The following FAM135A variants were observed in gnomAD, a reference collection of about 807,000 sequenced individuals.
FAM135A encodes the protein family with sequence similarity 135 member A, also known as protein FAM135A.
In FAM135A, 79 loss-of-function variants were observed where a neutral mutation model predicts 146.8. That is an observed-to-expected ratio of 0.54 (90% confidence interval 0.45 to 0.65). The LOEUF (loss-of-function observed/expected upper bound fraction) is 0.65, where lower values mean the gene tolerates loss of function less well. Among genes scored for constraint, FAM135A ranks in the 30% least tolerant of loss-of-function variants. The pLI is 0.00. For synonymous variants in FAM135A, 562 were observed against 603.6 expected (o/e 0.93, Z 1.01); for missense variants, 1,623 against 1,758.2 (o/e 0.92, Z 1.38).
chr6:70,556,682 A>G (rs998157100), intron 20 of FAM135A, 68 bp from the exon 21 acceptor site: 1 of 1,041,494 alleles, frequency 9.6e-7, no homozygotes, highest in African/African-American at 2.0e-5. Flanking sequence ...GTCACTTAAT[A>G]TGATACTAAT....
At chr6:70,435,062 C>CGTGT (rs60366617) in intron 4 of FAM135A, among the ~76,000 whole-genome samples, 18 of 126,994 alleles carry the variant, frequency 1.4e-4, no homozygotes, top group Admixed American at 9.4e-4. Flanking sequence ...TATATATATA[C>CGTGT]GTGTGTGTGT....
At chr6:70,495,122 AG>A (rs1470537775) in intron 11 of FAM135A, among the ~76,000 whole-genome samples, 1 of 152,208 alleles carries the variant, frequency 6.6e-6, no homozygotes, top group Non-Finnish European at 1.5e-5. Context: ...AAAACACAGC[AG>A]GAAATTCATC....
chr6:70,464,541 G>A (rs1196352276), intron 5 of FAM135A, among the ~76,000 whole-genome samples: 2 of 151,880 alleles, frequency 1.3e-5, no homozygotes, highest in Admixed American at 6.6e-5. Context: ...TAGCATACAC[G>A]TTTAGGTCTT....
intron 20 of FAM135A, among the ~76,000 whole-genome samples, chr6:70,552,959 T>G (rs1800123232): frequency 6.6e-6 from 1 of 152,190 alleles, no homozygotes; most frequent in South Asian, 2.1e-4. Flanking sequence ...CTAACATATT[T>G]TTAATTTTTT....
At chr6:70,414,796 A>G (rs980855334) in intron 1 of FAM135A, among the ~76,000 whole-genome samples, 1 of 152,216 alleles carries the variant, frequency 6.6e-6, no homozygotes, top group African/African-American at 2.4e-5. Context: ...TTTACCTGGC[A>G]TGCCTGGGAA....
chr6:70,423,897 C>T (rs1043342311), intron 2 of FAM135A, among the ~76,000 whole-genome samples: 1 of 152,182 alleles, frequency 6.6e-6, no homozygotes, highest in African/African-American at 2.4e-5. Context: ...GTCCAGTGAC[C>T]TATAAACAAA....
At chr6:70,477,501 A>T (rs1267994392) in intron 8 of FAM135A, among the ~76,000 whole-genome samples, 169 bp downstream of exon 8, 1 of 152,132 alleles carries the variant, frequency 6.6e-6, no homozygotes, top group Non-Finnish European at 1.5e-5. Flanking sequence ...GCCTCAGGAA[A>T]CTTATAATCA....
At chr6:70,522,984 T>C (rs1264716158) in intron 13 of FAM135A, among the ~76,000 whole-genome samples, 1 of 152,188 alleles carries the variant, frequency 6.6e-6, no homozygotes, top group Non-Finnish European at 1.5e-5. Flanking sequence ...TGATTTACAA[T>C]TAAAATATCC....
chr6:70,481,076 GTTT>G (rs750813158), intron 9 of FAM135A, 49 bp downstream of exon 9: 2 of 1,457,416 alleles, frequency 1.4e-6, no homozygotes, highest in South Asian at 2.9e-5. Context: ...TAAAAGAAGT[GTTT>G]TTAACAATTT....
chr6:70,433,133 G>T (rs1772088314), intron 4 of FAM135A, among the ~76,000 whole-genome samples: 1 of 151,166 alleles, frequency 6.6e-6, no homozygotes, highest in Non-Finnish European at 1.5e-5. Flanking sequence ...GGAGTGCGGT[G>T]GCTTGATCTC....
chr6:70,478,206 A>C (rs1782989871), intron 8 of FAM135A, among the ~76,000 whole-genome samples: 1 of 152,148 alleles, frequency 6.6e-6, no homozygotes, highest in Admixed American at 6.6e-5. Context: ...GATCATAATA[A>C]ATGCATTGAG....
intron 11 of FAM135A, among the ~76,000 whole-genome samples, chr6:70,499,762 G>A (rs1788078305): frequency 2.0e-5 from 3 of 152,092 alleles, no homozygotes. Flanking sequence ...ATGAAATTCT[G>A]GGTTGAAAAT....
chr6:70,422,516 G>A (rs1445683564), intron 2 of FAM135A, among the ~76,000 whole-genome samples: 1 of 151,990 alleles, frequency 6.6e-6, no homozygotes, highest in Non-Finnish European at 1.5e-5. Flanking sequence ...TCTATTTAGG[G>A]GATAATCAAT....
At chr6:70,439,021 A>G (rs1484101826) in intron 4 of FAM135A, among the ~76,000 whole-genome samples, 1 of 152,138 alleles carries the variant, frequency 6.6e-6, no homozygotes, top group African/African-American at 2.4e-5. Context: ...ACAAACAAAC[A>G]GCTAGCTGGA....
At chr6:70,452,392 G>A in intron 4 of FAM135A, 100 bp from the exon 5 acceptor site, 2 of 841,322 alleles carry the variant, frequency 2.4e-6, no homozygotes, top group South Asian at 1.7e-5. Flanking sequence ...ATATAATTAG[G>A]CCAACTTTAT....
At chr6:70,417,819 C>A (rs1767891131) in intron 2 of FAM135A, among the ~76,000 whole-genome samples, 7 of 152,140 alleles carry the variant, frequency 4.6e-5, no homozygotes, top group Admixed American at 4.6e-4. Context: ...ATACCCTTTA[C>A]CATCTCTTTT....
chr6:70,463,096 G>T (rs1039509665), intron 5 of FAM135A, among the ~76,000 whole-genome samples: 2 of 152,080 alleles, frequency 1.3e-5, no homozygotes, highest in African/African-American at 2.4e-5. Flanking sequence ...CATTCTTGTG[G>T]ATTCAATGGA....
intron 11 of FAM135A, among the ~76,000 whole-genome samples, chr6:70,499,108 C>T (rs1478337331): frequency 2.0e-5 from 3 of 152,150 alleles, no homozygotes; most frequent in Non-Finnish European, 4.4e-5. Context: ...GTGTGGGAGT[C>T]TAAGTCTCTT....
At chr6:70,520,400 A>G (rs1793300067) in intron 12 of FAM135A, among the ~76,000 whole-genome samples, 1 of 152,210 alleles carries the variant, frequency 6.6e-6, no homozygotes, top group Admixed American at 6.5e-5. Flanking sequence ...TAGACCCTGC[A>G]CTCAAGATTA....
Sources: gnomAD v4.1 joint callset for allele counts (sites outside exome capture counted in the v4.1 genomes callset) on GRCh38, gnomAD v4.1.1 for gene constraint, MANE v1.5 for transcripts, NCBI Gene and HGNC (gene_info 2026-07-23, HGNC 2026-07-21) for gene names.